The following RPN2 variants were observed in gnomAD, a reference collection of about 807,000 sequenced individuals.
RPN2 encodes dolichyl-diphosphooligosaccharide--protein glycosyltransferase subunit 2.
A neutral mutation model predicts 71.4 loss-of-function variants in RPN2; 29 were observed. That is an observed-to-expected ratio of 0.41 (90% confidence interval 0.30 to 0.55). The LOEUF (loss-of-function observed/expected upper bound fraction) is 0.55, where lower values mean the gene tolerates loss of function less well. Among genes scored for constraint, RPN2 ranks in the 20% least tolerant of loss-of-function variants. RPN2 has a pLI of 0.35. For synonymous variants in RPN2, 308 were observed against 305.0 expected (o/e 1.01, Z -0.10); for missense variants, 726 against 774.1 (o/e 0.94, Z 0.74).
rs925300714 is a variant in RPN2 at position 37,184,089 on chromosome 20, G to T, written c.14-91G>T. 46 of 1,473,814 alleles carry T rather than the reference G, an allele frequency of 3.1e-5. 1 individual carries two copies. In the South Asian group the frequency reaches 5.1e-4, roughly 16 times the overall value. The allele number at this position is 1,473,814 out of a possible 1,614,324, so 91.3% of individuals were successfully genotyped here. On this transcript the variant is annotated intron_variant, in intron 1 of 16. Coordinates refer to ENST00000237530, the MANE Select transcript of RPN2 (RefSeq NM_002951.5). The stretch of plus-strand genomic sequence containing the variant: ...TCCCTCGCCCTTCCCCATGTGATTT[G>T]GTTCCCAGATCTTGGTGTGCATCAT...
chr20:37,234,170 T>G, intron 15 of RPN2, 75 bp downstream of exon 15: 1 of 1,411,198 alleles, frequency 7.1e-7, no homozygotes, highest in Non-Finnish European at 9.9e-7. Flanking sequence ...CCCTGTTAAG[T>G]AGACCCACAA....
intron 2 of RPN2, among the ~76,000 whole-genome samples, chr20:37,193,203 A>G (rs2067184108): frequency 1.3e-5 from 2 of 152,172 alleles, no homozygotes; most frequent in South Asian, 4.1e-4. Flanking sequence ...CTACTCCTTA[A>G]GGGCAGGGAC....
Position 37,198,477 on chromosome 20 carries a change from C to T in RPN2, c.288C>T (p.Ala96=), listed in dbSNP as rs777328041. 1 of 1,614,120 alleles carries T rather than the reference C, an allele frequency of 6.2e-7. No individual in the cohort carries two copies. Among genetic ancestry groups the T allele is most frequent in the Admixed American group, 1.7e-5 (1 of 59,970 alleles). ...SLFYAAQASQ[A]LSGCEISISN... is the part of the protein sequence containing the mutation. ...TCTACGCTGCCCAGGCCAGCCAGGC[C>T]CTCTCAGGATGTGAGGTGAGTCCGG... Residue 96 remains alanine, a synonymous_variant, in exon 3 of 17, where the codon GCC becomes GCT. Transcript: ENST00000237530.
intron 6 of RPN2, among the ~76,000 whole-genome samples, chr20:37,205,841 A>G (rs2067499904): frequency 6.6e-6 from 1 of 152,178 alleles, no homozygotes; most frequent in Admixed American, 6.5e-5. Context: ...TGATTGTCCT[A>G]TACACAGTAA....
At chr20:37,223,012 T>A (rs1345061826) in intron 9 of RPN2, among the ~76,000 whole-genome samples, 1 of 152,242 alleles carries the variant, frequency 6.6e-6, no homozygotes, top group Non-Finnish European at 1.5e-5. Context: ...TTCCCCACGC[T>A]AGATTCTTTA....
chr20:37,204,366 C>G (rs530047027), intron 5 of RPN2, among the ~76,000 whole-genome samples: 58 of 152,264 alleles, frequency 3.8e-4, no homozygotes, highest in Non-Finnish European at 5.9e-4. Context: ...TTAAGAAATT[C>G]TGGGAAACGC....
chr20:37,183,469 C>T (rs955613163), intron 1 of RPN2, among the ~76,000 whole-genome samples: 7 of 152,176 alleles, frequency 4.6e-5, no homozygotes, highest in African/African-American at 1.4e-4. Context: ...CCACCTGCCT[C>T]GGCCTCCCAA....
At chr20:37,181,975 C>G (rs1274837581) in intron 1 of RPN2, among the ~76,000 whole-genome samples, 1 of 152,028 alleles carries the variant, frequency 6.6e-6, no homozygotes, top group African/African-American at 2.4e-5. Context: ...AGTTTTGTTT[C>G]TTTTGTTTCC....
chr20:37,231,816 G>T (rs1883510), intron 13 of RPN2, among the ~76,000 whole-genome samples: 117,114 of 151,670 alleles, frequency 0.77, 45,675 homozygotes, highest in Middle Eastern at 0.89. Flanking sequence ...AGATCTGTAG[G>T]GAGGCTCTGT....
chr20:37,241,469 C>T lies in RPN2; in HGVS notation c.*154C>T, dbSNP rs542909408. The T allele has an allele frequency of 1.3e-4, 112 of 838,620 alleles. No homozygotes were observed. In the Middle Eastern group the frequency reaches 1.4e-3, roughly 10 times the overall value. 51.9% of individuals were successfully genotyped at this position (838,620 alleles called of 1,614,324 possible). A position where few individuals can be genotyped will look rare whatever the true frequency, so the allele number is the denominator to read the frequency against. Reference sequence around the variant, plus strand: ...TATACTTTTGCTTGTTTTTCAGTTTCCCCAACACACAGCAGATACCTGGTG... The same window carrying T: ...TATACTTTTGCTTGTTTTTCAGTTTTCCCAACACACAGCAGATACCTGGTG... On this transcript the variant is annotated 3_prime_UTR_variant, in exon 17 of 17. Transcript: ENST00000237530.
At chr20:37,211,460 G>A (rs1187293657) in intron 8 of RPN2, among the ~76,000 whole-genome samples, 4 of 150,822 alleles carry the variant, frequency 2.7e-5, no homozygotes, top group Admixed American at 6.6e-5. Flanking sequence ...CCAACATGGC[G>A]AAACCCCATC....
Sources: gnomAD v4.1 joint callset for allele counts (sites outside exome capture counted in the v4.1 genomes callset) on GRCh38, gnomAD v4.1.1 for gene constraint, MANE v1.5 for transcripts, NCBI Gene and HGNC (gene_info 2026-07-23, HGNC 2026-07-21) for gene names.